The following ZFYVE28 variants were observed in gnomAD, a reference collection of about 807,000 sequenced individuals.
The protein encoded by ZFYVE28 is lateral signaling target protein 2 homolog.
ZFYVE28 carries 40 observed loss-of-function variants against 82.1 expected under a neutral mutation model. The observed-to-expected ratio is 0.49, with a 90% CI of 0.38 to 0.63. The LOEUF (loss-of-function observed/expected upper bound fraction) is 0.63. Ranked by LOEUF, ZFYVE28 falls within the 30% of genes least tolerant of loss-of-function variation. The pLI, the probability that ZFYVE28 is intolerant of heterozygous loss-of-function variation, is 0.00. For missense variants in ZFYVE28, 1,321 were observed against 1,242.1 expected, an observed-to-expected ratio of 1.06 and a Z score of -0.96; for synonymous variants, 612 against 546.1, an observed-to-expected ratio of 1.12 and a Z score of -1.68.
intron 2 of ZFYVE28, among the ~76,000 whole-genome samples, chr4:2,345,097 G>A (rs1723345949): frequency 6.6e-6 from 1 of 151,984 alleles, no homozygotes; most frequent in Admixed American, 6.6e-5. Flanking sequence ...CTACTTGGGA[G>A]GCTGAGGCAG....
intron 7 of ZFYVE28, among the ~76,000 whole-genome samples, chr4:2,308,589 G>A (rs1716928055): frequency 7.0e-6 from 1 of 143,044 alleles, no homozygotes; most frequent in African/African-American, 2.6e-5. Context: ...AAGAAAGGAA[G>A]GAAGGAGAGA....
chr4:2,367,399 C>A (rs755961730), intron 1 of ZFYVE28, among the ~76,000 whole-genome samples: 33 of 152,264 alleles, frequency 2.2e-4, no homozygotes, highest in Non-Finnish European at 4.4e-4. Context: ...GAGCCTCAGG[C>A]TCTGCCTGGC....
intron 1 of ZFYVE28, among the ~76,000 whole-genome samples, chr4:2,397,344 G>A (rs961949597): frequency 2.0e-5 from 3 of 151,852 alleles, no homozygotes; most frequent in South Asian, 2.1e-4. Context: ...CTTACGTGGC[G>A]GCACGTGCCT....
At chr4:2,412,186 G>A (rs1466149077) in intron 1 of ZFYVE28, among the ~76,000 whole-genome samples, 2 of 152,230 alleles carry the variant, frequency 1.3e-5, no homozygotes, top group Admixed American at 6.5e-5. Flanking sequence ...AAAAGGCACA[G>A]GGGTGGCAGG....
At chr4:2,354,431 C>G (rs537791126) in intron 1 of ZFYVE28, among the ~76,000 whole-genome samples, 1 of 149,324 alleles carries the variant, frequency 6.7e-6, no homozygotes, top group Non-Finnish European at 1.5e-5. Flanking sequence ...GCGCTCCAGG[C>G]GACAAAAGCA....
Position 2,285,139 on chromosome 4 carries a change from G to A in ZFYVE28, c.2052-10923C>T, listed in dbSNP as rs546711699. ...GGCCCACACCTGGGCAGAACCCCAC[G>A]TGGACTGAAGGCAGGGACTGGAGTG... is the stretch of plus-strand genomic sequence containing the variant. On this transcript the variant is annotated intron_variant, in intron 8 of 12. Coordinates refer to ENST00000290974, the MANE Select transcript of ZFYVE28 (RefSeq NM_020972.3). 2.4e-4 allele frequency among the ~76,000 whole-genome samples: 36 copies of A among 152,086 alleles called. 1 individual carries two copies. The South Asian group carries it at 2.9e-3, about 12-fold the overall frequency.
rs1720894182 is a variant in ZFYVE28 at position 2,332,662 on chromosome 4, C to A, written c.701+3043G>T. The stretch of plus-strand genomic sequence containing the variant: ...TGGGCCCCACCACGGGCAGCTGTGG[C>A]CTCTGCCTGTCCGGCTCAAAGCGGT... On this transcript the variant is annotated intron_variant, in intron 6 of 12. Coordinates refer to ENST00000290974, the MANE Select transcript of ZFYVE28 (RefSeq NM_020972.3). This position sits in a 1 kb window ranked among gnomAD's most constrained non-coding sequence, Gnocchi z 4.7. Among the ~76,000 whole-genome samples, 1 of 152,206 alleles carries A rather than the reference C, an allele frequency of 6.6e-6. No homozygotes were observed. The highest frequency in any genetic ancestry group is 2.1e-4 in the South Asian group (1 of 4,838).
intron 1 of ZFYVE28, among the ~76,000 whole-genome samples, chr4:2,413,221 G>T (rs1732702028): frequency 6.6e-6 from 1 of 152,254 alleles, no homozygotes; most frequent in Non-Finnish European, 1.5e-5. Context: ...GACGTGAGCT[G>T]CCCGCTGAGA....
At chr4:2,410,007 C>T (rs531204985) in intron 1 of ZFYVE28, among the ~76,000 whole-genome samples, 2 of 152,366 alleles carry the variant, frequency 1.3e-5, no homozygotes, top group African/African-American at 4.8e-5. Context: ...AACCATGGCT[C>T]TGGGCCTATT....
At chr4:2,272,548 G>A (rs1428926330) in intron 10 of ZFYVE28, among the ~76,000 whole-genome samples, 13 of 152,220 alleles carry the variant, frequency 8.5e-5, no homozygotes, top group Admixed American at 5.2e-4. Context: ...GTGGGTATGC[G>A]TGAGTACATG....
At chr4:2,410,404 C>T (rs1255296277) in intron 1 of ZFYVE28, among the ~76,000 whole-genome samples, 2 of 151,264 alleles carry the variant, frequency 1.3e-5, no homozygotes, top group East Asian at 3.9e-4. Context: ...TGATTATCAT[C>T]CTGTATTCCA....
intron 1 of ZFYVE28, among the ~76,000 whole-genome samples, chr4:2,387,330 C>G (rs1327331775): frequency 6.6e-6 from 1 of 152,218 alleles, no homozygotes; most frequent in Non-Finnish European, 1.5e-5. Flanking sequence ...AGCTTCACGG[C>G]CGGAAGTGAC....
At position 2,402,621 on chromosome 4, in the gene ZFYVE28, G is replaced by A. The variant is rs767322872; in HGVS notation, c.39+15664C>T. ...ACACGGAAGCCACACAGCAGAGAGC[G>A]GGCAGGGAACGCGGTAGACAGTCGC... On this transcript the variant is annotated intron_variant, in intron 1 of 12. Coordinates refer to ENST00000290974, the MANE Select transcript of ZFYVE28 (RefSeq NM_020972.3). 2.6e-5 allele frequency among the ~76,000 whole-genome samples: 4 copies of A among 152,316 alleles called. No individual in the cohort carries two copies. In the East Asian group the frequency reaches 7.7e-4, roughly 29 times the overall value.
chr4:2,407,878 G>A (rs1242572059), intron 1 of ZFYVE28, among the ~76,000 whole-genome samples: 1 of 152,342 alleles, frequency 6.6e-6, no homozygotes, highest in African/African-American at 2.4e-5. Context: ...GAGCCACTGT[G>A]CCTGGCCTGC....
intron 8 of ZFYVE28, among the ~76,000 whole-genome samples, chr4:2,275,362 A>G (rs1454867110): frequency 6.6e-6 from 1 of 152,114 alleles, no homozygotes; most frequent in Admixed American, 6.5e-5. Context: ...AAACTAATTT[A>G]TCTCCTATCT....
chr4:2,288,132 T>C (rs1409356467), intron 8 of ZFYVE28, among the ~76,000 whole-genome samples: 2 of 152,108 alleles, frequency 1.3e-5, no homozygotes, highest in African/African-American at 2.4e-5. Context: ...ACAGTCACCA[T>C]ACAGCAGGGA....
chr4:2,302,414 T>A (rs1214257424), intron 8 of ZFYVE28, among the ~76,000 whole-genome samples: 3 of 152,240 alleles, frequency 2.0e-5, no homozygotes, highest in Non-Finnish European at 4.4e-5. Flanking sequence ...TGGTGTCCAG[T>A]GGCCTTAGAG....
In ZFYVE28 at chr4:2,339,685, C is replaced by G. The variant is rs768974518; in HGVS notation, c.319-30G>C. On this transcript the variant is annotated intron_variant, in intron 3 of 12. Coordinates refer to ENST00000290974, the MANE Select transcript of ZFYVE28 (RefSeq NM_020972.3). The surrounding 1 kb of genome is among the most constrained non-coding windows in gnomAD (Gnocchi z 5.0). ...GGGAGGGGACACACTCAGGGAGGGG[C>G]CCGGGTGAGGGCCAGGCTCTCAGGG... 11 of 1,560,518 alleles carry G rather than the reference C, an allele frequency of 7.0e-6. No homozygotes were observed. The highest frequency in any genetic ancestry group is 8.7e-6 in the Non-Finnish European group (10 of 1,153,952).
At position 2,305,293 on chromosome 4, in the gene ZFYVE28, G is replaced by C. The variant is rs200671727; in HGVS notation, c.1047C>G (p.Val349=). The change falls in exon 8 of 13, where the codon GTC becomes GTG. Residue 349 remains valine (V), a synonymous_variant. Transcript: ENST00000290974. ...DQELEQLSRM[V]HRAGDEMSSL... is the part of the protein sequence containing the mutation. ...AGGACATCTCGTCCCCCGCCCTGTGGACCATGCGGCTGAGCTGCTCCAGCT... is the reference window on the plus strand; with the variant it reads ...AGGACATCTCGTCCCCCGCCCTGTGCACCATGCGGCTGAGCTGCTCCAGCT... The C allele has an allele frequency of 6.8e-6, 11 of 1,613,168 alleles. No homozygotes were observed. The highest frequency in any genetic ancestry group is 1.7e-5 in the Admixed American group (1 of 60,032).
Sources: allele counts gnomAD v4.1 joint callset (sites outside exome capture counted in the v4.1 genomes callset), GRCh38; gene constraint gnomAD v4.1.1; non-coding constraint Gnocchi (gnomAD v3.1); transcripts MANE v1.5; gene names NCBI Gene and HGNC (gene_info 2026-07-23, HGNC 2026-07-21).